The following STK4 variants were observed in gnomAD, a reference collection of about 807,000 sequenced individuals.
The protein encoded by STK4 is serine/threonine-protein kinase 4.
Under a neutral mutation model 64.9 loss-of-function variants are expected in STK4, and 30 were observed. The ratio of observed to expected loss-of-function variants is 0.46; its 90% CI spans 0.35 to 0.63. STK4 has a LOEUF of 0.63. STK4 is among the 20% of genes least tolerant of loss of function. STK4 has a pLI of 0.01. For missense variants in STK4, 466 were observed against 598.5 expected, an observed-to-expected ratio of 0.78 and a Z score of 2.31; for synonymous variants, 177 against 199.0, an observed-to-expected ratio of 0.89 and a Z score of 0.93.
chr20:45,072,872 A>T (rs1190896090), intron 10 of STK4, among the ~76,000 whole-genome samples: 1 of 152,234 alleles, frequency 6.6e-6, no homozygotes, highest in Non-Finnish European at 1.5e-5. Context: ...CAGTGATAAC[A>T]TCCATTTGTG....
At chr20:45,036,778 T>G (rs2145411011) in intron 10 of STK4, among the ~76,000 whole-genome samples, 1 of 152,298 alleles carries the variant, frequency 6.6e-6, no homozygotes, top group Admixed American at 6.5e-5. Flanking sequence ...AAATTAAACT[T>G]CATTATAGGT....
chr20:45,024,879 A>G (rs774678547), intron 9 of STK4, 94 bp from the exon 10 acceptor site: 2 of 1,242,906 alleles, frequency 1.6e-6, no homozygotes, highest in African/African-American at 1.5e-5. Flanking sequence ...CCACTGATCC[A>G]GAGATTGTAG....
In STK4 at chr20:44,969,004, C is replaced by T. The variant is rs58793993; in HGVS notation, c.35+2401C>T. The stretch of plus-strand genomic sequence containing the variant: ...TTTCTTTTGACGCCTTTGCTTGACT[C>T]GTAGATGGCCATCTCCCTGTGTCTC... On this transcript the variant is annotated intron_variant, in intron 1 of 10. Transcript: ENST00000372806. Among the ~76,000 whole-genome samples, 1,447 of 152,242 alleles carry T rather than the reference C, an allele frequency of 9.5e-3. 27 individuals carry two copies. The highest frequency in any genetic ancestry group is 0.033 in the African/African-American group (1,368 of 41,522).
At chr20:45,031,242 C>G (rs2068437238) in intron 10 of STK4, among the ~76,000 whole-genome samples, 3 of 151,690 alleles carry the variant, frequency 2.0e-5, no homozygotes. Context: ...ACAGGACATT[C>G]AGCTGAGACA....
chr20:45,026,510 G>A (rs565584003), intron 10 of STK4, among the ~76,000 whole-genome samples: 5 of 152,184 alleles, frequency 3.3e-5, no homozygotes, highest in East Asian at 1.9e-4. Flanking sequence ...ACAGAACAAC[G>A]AAGAAACAGT....
chr20:45,069,556 A>C (rs921667811), intron 10 of STK4, among the ~76,000 whole-genome samples: 5 of 152,248 alleles, frequency 3.3e-5, no homozygotes, highest in Admixed American at 6.5e-5. Flanking sequence ...ATTCTCATTA[A>C]GTGAACAGAG....
intron 10 of STK4, among the ~76,000 whole-genome samples, chr20:45,026,910 A>G (rs536006513): frequency 4.6e-5 from 7 of 152,312 alleles, no homozygotes; most frequent in African/African-American, 1.2e-4. Context: ...ACTGCTAATC[A>G]TAGTAGACTT....
At chr20:45,073,466 A>G (rs1173093198) in intron 10 of STK4, among the ~76,000 whole-genome samples, 1 of 151,814 alleles carries the variant, frequency 6.6e-6, no homozygotes, top group East Asian at 1.9e-4. Flanking sequence ...CACCCCACCC[A>G]CTCAAGGAAG....
At chr20:45,047,027 A>G in intron 10 of STK4, among the ~76,000 whole-genome samples, 1 of 152,080 alleles carries the variant, frequency 6.6e-6, no homozygotes, top group East Asian at 1.9e-4. Context: ...ATTTTTAGTA[A>G]TCTTCATATT....
chr20:44,975,240 T>G, intron 2 of STK4: 1 of 367,138 alleles, frequency 2.7e-6, no homozygotes, highest in Non-Finnish European at 3.8e-6. Flanking sequence ...CATCTCATTT[T>G]GTTGTAGGGA....
At chr20:45,019,123 G>T (rs2068197928) in intron 9 of STK4, among the ~76,000 whole-genome samples, 1 of 152,090 alleles carries the variant, frequency 6.6e-6, no homozygotes, top group African/African-American at 2.4e-5. Flanking sequence ...TTAACAAGGT[G>T]TTGCAACTTT....
chr20:45,026,942 G>A (rs928109031), intron 10 of STK4, among the ~76,000 whole-genome samples: 5 of 152,076 alleles, frequency 3.3e-5, no homozygotes, highest in African/African-American at 9.7e-5. Flanking sequence ...ATTATTGTGC[G>A]TCTGTTCCAT....
intron 10 of STK4, among the ~76,000 whole-genome samples, chr20:45,027,536 A>G (rs1233942438): frequency 6.6e-6 from 1 of 152,124 alleles, no homozygotes; most frequent in South Asian, 2.1e-4. Context: ...GATACATGTA[A>G]TATTTTAGTA....
In STK4 at chr20:45,070,885, C is replaced by CAA. The variant is rs34886047; in HGVS notation, c.1306-4115_1306-4114dup. 2.2e-3 allele frequency among the ~76,000 whole-genome samples: 235 copies of CAA among 108,756 alleles called. 1 individual carries two copies. The highest frequency in any genetic ancestry group is 7.4e-3 in the East Asian group (24 of 3,242). The allele number at this position is 108,756 out of a possible 152,430, so 71.3% of individuals were successfully genotyped here. ...TGGGGGACAGAGCCAGACTCCGTCT[C>CAA]AAAAAAAAAAAAAAAAAAATCAGAT... On this transcript the variant is annotated intron_variant, in intron 10 of 10. Coordinates refer to ENST00000372806, the MANE Select transcript of STK4 (RefSeq NM_006282.5).
chr20:44,991,512 A>G (rs963735865), intron 5 of STK4, among the ~76,000 whole-genome samples: 4 of 152,100 alleles, frequency 2.6e-5, no homozygotes, highest in African/African-American at 9.7e-5. Context: ...TTCCCCTCAT[A>G]TTTGCTAATG....
At position 44,982,996 on chromosome 20, in the gene STK4, C is replaced by T. The variant is rs75719039; in HGVS notation, c.360+1053C>T. On this transcript the variant is annotated intron_variant, in intron 4 of 10. Transcript: ENST00000372806. Reference sequence around the variant, plus strand: ...GAGGAAGGTCACTCAGAAGTGGTGACGTTTACAGGAAGACTCAAATGACGA... The same window carrying T: ...GAGGAAGGTCACTCAGAAGTGGTGATGTTTACAGGAAGACTCAAATGACGA... Among the ~76,000 whole-genome samples, 889 of 152,136 alleles carry T rather than the reference C, an allele frequency of 5.8e-3. 10 individuals are homozygous for T. The highest frequency in any genetic ancestry group is 0.021 in the African/African-American group (857 of 41,514).
At chr20:44,994,785 A>G (rs939587204) in intron 5 of STK4, among the ~76,000 whole-genome samples, 1 of 152,146 alleles carries the variant, frequency 6.6e-6, no homozygotes, top group Non-Finnish European at 1.5e-5. Context: ...CTGATTTTCT[A>G]TGCTATTATC....
chr20:45,010,897 T>C (rs2068032649), intron 9 of STK4, among the ~76,000 whole-genome samples: 1 of 152,204 alleles, frequency 6.6e-6, no homozygotes, highest in Non-Finnish European at 1.5e-5. Flanking sequence ...ATGATATTGT[T>C]ACCTCTGAGG....
At chr20:44,984,879 T>G (rs1387811396) in intron 4 of STK4, among the ~76,000 whole-genome samples, 1 of 152,074 alleles carries the variant, frequency 6.6e-6, no homozygotes, top group Non-Finnish European at 1.5e-5. Context: ...ACTGCTGGGC[T>G]CAAGTGATCC....
Sources: allele counts gnomAD v4.1 joint callset (sites outside exome capture counted in the v4.1 genomes callset), GRCh38; gene constraint gnomAD v4.1.1; transcripts MANE v1.5; gene names NCBI Gene and HGNC (gene_info 2026-07-23, HGNC 2026-07-21).